Variants in MECOM observed in about 807,000 individuals in gnomAD.
MECOM encodes the protein histone-lysine N-methyltransferase MECOM.
MECOM carries 13 observed loss-of-function variants against 116.3 expected under a neutral mutation model. The ratio of observed to expected loss-of-function variants is 0.11; its 90% CI spans 0.07 to 0.18. The LOEUF (loss-of-function observed/expected upper bound fraction) is 0.18, where lower values mean the gene tolerates loss of function less well. Among genes scored for constraint, MECOM ranks in the 10% least tolerant of loss-of-function variants. The pLI is 1.00. For missense variants in MECOM, 1,299 were observed against 1,509.0 expected, an observed-to-expected ratio of 0.86 and a Z score of 2.31; for synonymous variants, 528 against 535.2, an observed-to-expected ratio of 0.99 and a Z score of 0.19.
chr3:169,159,958 C>A (rs1216088785), intron 2 of MECOM, among the ~76,000 whole-genome samples: 2 of 152,176 alleles, frequency 1.3e-5, no homozygotes, highest in African/African-American at 4.8e-5. Flanking sequence ...ACATACTAAG[C>A]ACCTAATAAG....
chr3:169,235,571 T>G (rs1753937633), intron 2 of MECOM, among the ~76,000 whole-genome samples: 2 of 152,100 alleles, frequency 1.3e-5, no homozygotes, highest in East Asian at 3.9e-4. Context: ...AAGTAAAATT[T>G]TTGAGGAATG....
intron 2 of MECOM, among the ~76,000 whole-genome samples, chr3:169,248,684 T>C (rs1183363538): frequency 1.3e-5 from 2 of 152,144 alleles, no homozygotes; most frequent in African/African-American, 4.8e-5. Context: ...TAAAATGAGC[T>C]GTTATCGTGG....
chr3:169,144,198 C>T (rs531200648), intron 2 of MECOM, among the ~76,000 whole-genome samples: 2 of 152,058 alleles, frequency 1.3e-5, no homozygotes, highest in East Asian at 1.9e-4. Flanking sequence ...ATTTCATATT[C>T]GTATAGTCTC....
chr3:169,350,658 C>A (rs76388817), intron 2 of MECOM, among the ~76,000 whole-genome samples: 1,898 of 151,950 alleles, frequency 0.012, 13 homozygotes, highest in East Asian at 0.044. Context: ...TTTGGATCCT[C>A]TGGTTAGATA....
intron 1 of MECOM, among the ~76,000 whole-genome samples, chr3:169,497,643 AC>A (rs1340628043): frequency 1.3e-5 from 2 of 152,168 alleles, no homozygotes; most frequent in African/African-American, 4.8e-5. Flanking sequence ...CAGGCATGAG[AC>A]ACAGCTCCCG....
intron 2 of MECOM, among the ~76,000 whole-genome samples, chr3:169,249,990 G>C (rs1756054297): frequency 6.6e-6 from 1 of 152,184 alleles, no homozygotes; most frequent in Non-Finnish European, 1.5e-5. Context: ...TTCTGCATAT[G>C]ATTAAGCACA....
chr3:169,281,210 C>T (rs779965342), intron 2 of MECOM, among the ~76,000 whole-genome samples: 7 of 152,164 alleles, frequency 4.6e-5, no homozygotes, highest in Non-Finnish European at 8.8e-5. Flanking sequence ...TCGGATTCTG[C>T]GTTTAATCAA....
At chr3:169,498,707 T>C (rs898827374) in intron 1 of MECOM, among the ~76,000 whole-genome samples, 2 of 152,052 alleles carry the variant, frequency 1.3e-5, no homozygotes, top group Non-Finnish European at 2.9e-5. Context: ...TCTTAAAAAA[T>C]AAATTTACAC....
At chr3:169,206,702 G>A (rs947257652) in intron 2 of MECOM, among the ~76,000 whole-genome samples, 1 of 149,462 alleles carries the variant, frequency 6.7e-6, no homozygotes, top group African/African-American at 2.5e-5. Flanking sequence ...GCAGTGAGCC[G>A]AGATTGCACC....
chr3:169,085,905 G>C (rs1717563796), intron 16 of MECOM, among the ~76,000 whole-genome samples: 1 of 152,134 alleles, frequency 6.6e-6, no homozygotes, highest in Non-Finnish European at 1.5e-5. Flanking sequence ...CTGTTGATTT[G>C]CTATTGTTGG....
chr3:169,631,863 C>G (rs1772139525), intron 1 of MECOM, among the ~76,000 whole-genome samples: 1 of 152,092 alleles, frequency 6.6e-6, no homozygotes, highest in African/African-American at 2.4e-5. Context: ...AAATTACCCC[C>G]ATTCTAGTCT....
At chr3:169,621,631 C>A (rs1001765319) in intron 1 of MECOM, among the ~76,000 whole-genome samples, 2 of 152,100 alleles carry the variant, frequency 1.3e-5, no homozygotes, top group African/African-American at 4.8e-5. Context: ...GTGGTGCATG[C>A]CTGTAATCCC....
intron 2 of MECOM, among the ~76,000 whole-genome samples, chr3:169,244,290 G>A (rs372892776): frequency 9.2e-5 from 14 of 152,172 alleles, no homozygotes; most frequent in Admixed American, 7.2e-4. Flanking sequence ...TAATGTTGCC[G>A]TCGTTTACTG....
chr3:169,477,124 TATATATATATATATATATATATATAC>T lies in MECOM; in HGVS notation c.38-95626_38-95601del, dbSNP rs1216227617. Reference sequence around the variant, plus strand: ...GTGTGTGTATATATATATATATATATATATATATATATATATATATATATACACACACACACAATTTCATTTGCAAT... The same window carrying T: ...GTGTGTGTATATATATATATATATATACACACACACAATTTCATTTGCAAT... On this transcript the variant is annotated intron_variant, in intron 1 of 16. Coordinates refer to ENST00000651503, the MANE Select transcript of MECOM (RefSeq NM_004991.4). The T allele has an allele frequency of 1.1e-3, 90 of 84,838 alleles. 2 individuals are homozygous for T. The highest frequency in any genetic ancestry group is 3.4e-3 in the African/African-American group (58 of 17,180). The allele number at this position is 84,838 out of a possible 1,614,324, so 5.3% of individuals were successfully genotyped here. A position where few individuals can be genotyped will look rare whatever the true frequency, so the allele number is the denominator to read the frequency against.
chr3:169,308,795 T>C (rs1479419430), intron 2 of MECOM, among the ~76,000 whole-genome samples: 1 of 152,222 alleles, frequency 6.6e-6, no homozygotes, highest in African/African-American at 2.4e-5. Flanking sequence ...TGCTTTGCCC[T>C]GAGTGAGCTT....
At position 169,493,230 on chromosome 3, in the gene MECOM, G is replaced by A. The variant is rs116520241; in HGVS notation, c.38-111706C>T. Among the ~76,000 whole-genome samples, 273 of 152,248 alleles carry A rather than the reference G, an allele frequency of 1.8e-3. 1 individual carries two copies. The highest frequency in any genetic ancestry group is 6.0e-3 in the African/African-American group (250 of 41,540). ...CTGGGGCTCAAGAACAGAACTCACC[G>A]TTAATATGGTTTATTTGCAAATATG... On this transcript the variant is annotated intron_variant, in intron 1 of 16. Transcript: ENST00000651503.
chr3:169,383,172 G>C (rs1164139566), intron 1 of MECOM, among the ~76,000 whole-genome samples: 1 of 152,138 alleles, frequency 6.6e-6, no homozygotes, highest in Non-Finnish European at 1.5e-5. Context: ...AAAGTTTTGT[G>C]AAGTGTAAAG....
At chr3:169,325,938 G>A (rs1441610581) in intron 2 of MECOM, among the ~76,000 whole-genome samples, 2 of 152,196 alleles carry the variant, frequency 1.3e-5, no homozygotes, top group African/African-American at 2.4e-5. Context: ...ACAACCCTGT[G>A]TGCCTGCCAC....
intron 1 of MECOM, among the ~76,000 whole-genome samples, chr3:169,612,419 T>A (rs766634011): frequency 7.9e-5 from 12 of 152,184 alleles, no homozygotes; most frequent in Admixed American, 3.3e-4. Context: ...TGTCTCACTT[T>A]TGGCAAAAAC....
Sources: gnomAD v4.1 joint callset for allele counts (sites outside exome capture counted in the v4.1 genomes callset) on GRCh38, gnomAD v4.1.1 for gene constraint, MANE v1.5 for transcripts, NCBI Gene and HGNC (gene_info 2026-07-23, HGNC 2026-07-21) for gene names.